Variants in IFT81 observed in about 807,000 individuals in gnomAD.
The protein encoded by IFT81 is intraflagellar transport 81, also known as intraflagellar transport protein 81 homolog.
Under a neutral mutation model 102.6 loss-of-function variants are expected in IFT81, and 72 were observed. The observed-to-expected ratio is 0.70, with a 90% CI of 0.58 to 0.85. The LOEUF (loss-of-function observed/expected upper bound fraction) is 0.85. IFT81 is among the 40% of genes least tolerant of loss of function. IFT81 has a pLI of 0.00. For synonymous variants in IFT81, 237 were observed against 242.7 expected (o/e 0.98, Z 0.22); for missense variants, 723 against 787.3 (o/e 0.92, Z 0.98).
chr12:110,149,987 G>A (rs117220631), intron 10 of IFT81, among the ~76,000 whole-genome samples: 2,562 of 152,296 alleles, frequency 0.017, 34 homozygotes, highest in South Asian at 0.054. Context: ...ACCTGGGGGT[G>A]GAGCCCTCAC....
At chr12:110,193,617 C>A (rs187973316) in intron 14 of IFT81, among the ~76,000 whole-genome samples, 1 of 152,300 alleles carries the variant, frequency 6.6e-6, no homozygotes, top group East Asian at 1.9e-4. Flanking sequence ...ATATTTTTAA[C>A]TTGTTTAACT....
chr12:110,209,118 T>C lies in IFT81; in HGVS notation c.1803-53T>C, dbSNP rs940511424. ...TATATTAATTTATAATTCACTTGTA[T>C]GATCAAATCATTTGAAGTAAATTGA... On this transcript the variant is annotated intron_variant, in intron 17 of 18. Transcript: ENST00000242591. 1.0e-5 allele frequency: 10 copies of C among 968,954 alleles called. No individual in the cohort carries two copies. The African/African-American group carries it at 1.6e-4, about 16-fold the overall frequency. The allele number at this position is 968,954 out of a possible 1,614,324, so 60.0% of individuals were successfully genotyped here. A position where few individuals can be genotyped will look rare whatever the true frequency, so the allele number is the denominator to read the frequency against.
At chr12:110,131,568 G>A (rs900325947) in intron 4 of IFT81, among the ~76,000 whole-genome samples, 4 of 151,840 alleles carry the variant, frequency 2.6e-5, no homozygotes, top group Non-Finnish European at 2.9e-5. Flanking sequence ...GGCTGGTCTC[G>A]AACTCCTGAC....
At chr12:110,201,995 A>G (rs1259703513) in intron 14 of IFT81, among the ~76,000 whole-genome samples, 1 of 152,210 alleles carries the variant, frequency 6.6e-6, no homozygotes, top group Non-Finnish European at 1.5e-5. Flanking sequence ...ACACTCTAAA[A>G]TAACAATAAA....
rs1018245458 is a variant in IFT81 at position 110,218,324 on chromosome 12, T to A, written c.*98T>A. 5.7e-6 allele frequency: 5 copies of A among 883,328 alleles called. No individual in the cohort carries two copies. The highest frequency in any genetic ancestry group is 1.7e-5 in the African/African-American group (1 of 57,248). 54.7% of individuals were successfully genotyped at this position (883,328 alleles called of 1,614,324 possible). A position where few individuals can be genotyped will look rare whatever the true frequency, so the allele number is the denominator to read the frequency against. On this transcript the variant is annotated 3_prime_UTR_variant, in exon 19 of 19. Coordinates refer to ENST00000242591, the MANE Select transcript of IFT81 (RefSeq NM_014055.4). ...TTTGAAACTGATTTGTATAGCATTT[T>A]GTTTTCAGAAGAGCCATTCTTTATT...
At chr12:110,157,789 C>A (rs957219555) in intron 10 of IFT81, among the ~76,000 whole-genome samples, 4 of 152,162 alleles carry the variant, frequency 2.6e-5, no homozygotes, top group African/African-American at 9.7e-5. Context: ...ATTCTTTTGT[C>A]TGCCTTCCCA....
chr12:110,134,933 T>C lies in IFT81; in HGVS notation c.520-15T>C. On this transcript the variant is annotated splice_polypyrimidine_tract_variant and intron_variant, in intron 5 of 18. Coordinates refer to ENST00000242591, the MANE Select transcript of IFT81 (RefSeq NM_014055.4). ...GAATACTTTTTCTTATAAGGTCTTC[T>C]TTGCCACTTTTTAGGATATCAGTGC... 6.2e-7 allele frequency: 1 copy of C among 1,601,682 alleles called. No homozygotes were observed. Among genetic ancestry groups the C allele is most frequent in the East Asian group, 2.2e-5 (1 of 44,700 alleles).
chr12:110,126,459 T>C (rs923505533), intron 1 of IFT81, among the ~76,000 whole-genome samples: 1 of 150,516 alleles, frequency 6.6e-6, no homozygotes, highest in Non-Finnish European at 1.5e-5. Flanking sequence ...GTTGGGGGGG[T>C]TTGTGCCTCT....
intron 11 of IFT81, among the ~76,000 whole-genome samples, chr12:110,165,086 G>A (rs1896361744): frequency 6.6e-6 from 1 of 150,382 alleles, no homozygotes. Context: ...TCCAATGACA[G>A]GGAAAAAAAA....
intron 4 of IFT81, among the ~76,000 whole-genome samples, chr12:110,131,472 G>T (rs999510425): frequency 1.3e-5 from 2 of 151,860 alleles, no homozygotes; most frequent in Non-Finnish European, 2.9e-5. Context: ...TCAAGCTCCT[G>T]AGTAGCTGGG....
intron 12 of IFT81, among the ~76,000 whole-genome samples, chr12:110,183,152 C>T (rs1014668809): frequency 6.6e-6 from 1 of 152,064 alleles, no homozygotes; most frequent in African/African-American, 2.4e-5. Context: ...AAGTGTGTCC[C>T]TTGGTTTGAG....
chr12:110,187,571 T>G (rs1897592712), intron 12 of IFT81, among the ~76,000 whole-genome samples: 1 of 152,080 alleles, frequency 6.6e-6, no homozygotes. Context: ...GGCCATGTAT[T>G]TTTTTCTCTT....
rs146627387 is a variant in IFT81 at position 110,136,793 on chromosome 12, A to C, written c.714A>C (p.Gln238His). Reference protein sequence around the residue: ...EQKNQLFHAVQRLQRVQNQLK... With the variant: ...EQKNQLFHAVHRLQRVQNQLK... ...TTTTAAAGCTATTTCATGCAGTGCA[A>C]AGATTGCAAAGAGTACAAAACCAGC... is the stretch of plus-strand genomic sequence containing the variant. Residue 238 changes from glutamine (Q) to histidine (H), a missense_variant, in exon 8 of 19, where the codon CAA becomes CAC. By Grantham distance (24) the Gln-to-His change is conservative. Coordinates refer to ENST00000242591, the MANE Select transcript of IFT81 (RefSeq NM_014055.4). 2.8e-4 allele frequency: 445 copies of C among 1,611,132 alleles called. 5 individuals are homozygous for C. The East Asian group carries it at 7.4e-3, about 27-fold the overall frequency.
intron 10 of IFT81, among the ~76,000 whole-genome samples, chr12:110,152,855 T>A (rs1282150821): frequency 6.6e-6 from 1 of 152,160 alleles, no homozygotes; most frequent in Non-Finnish European, 1.5e-5. Flanking sequence ...CTTCCCAAAG[T>A]ACTGGGATTA....
chr12:110,186,496 TC>T (rs151003838), intron 12 of IFT81, among the ~76,000 whole-genome samples: 8,753 of 152,138 alleles, frequency 0.058, 328 homozygotes, highest in Middle Eastern at 0.099. Flanking sequence ...TTTCTTTCTT[TC>T]TTTTTTTATT....
In IFT81 at chr12:110,203,974, A is replaced by T. The variant is rs1258129897; in HGVS notation, c.1644+24A>T. The stretch of plus-strand genomic sequence containing the variant: ...AGGTAAGAAGAGAGTTTTTATTTTA[A>T]CAATTTAGCAAAAACTACCTGTGTG... On this transcript the variant is annotated intron_variant, in intron 15 of 18. Coordinates refer to ENST00000242591, the MANE Select transcript of IFT81 (RefSeq NM_014055.4). 7 of 1,518,730 alleles carry T rather than the reference A, an allele frequency of 4.6e-6. No individual in the cohort carries two copies. The East Asian group carries it at 1.6e-4, about 35-fold the overall frequency. 94.1% of individuals were successfully genotyped at this position (1,518,730 alleles called of 1,614,324 possible).
rs1355730931 is a variant in IFT81, at chr12:110,172,598, G to A, written c.1189-7824G>A. On this transcript the variant is annotated intron_variant, in intron 11 of 18. Transcript: ENST00000242591. ...GAGACAGGGTTTCGCTGTGTTGGCC[G>A]GGCTGGTCTCCAGCTCCTAACCGCG... Among the ~76,000 whole-genome samples the A allele has an allele frequency of 3.9e-5, 6 of 152,294 alleles. No individual in the cohort carries two copies. In the East Asian group the frequency reaches 5.8e-4, roughly 15 times the overall value.
At chr12:110,127,736 A>C (rs1302065238) in intron 2 of IFT81, among the ~76,000 whole-genome samples, 2 of 152,252 alleles carry the variant, frequency 1.3e-5, no homozygotes, top group African/African-American at 4.8e-5. Flanking sequence ...ACTTCCAGAC[A>C]TAAATAGGTT....
At chr12:110,129,892 G>A (rs1176796895) in intron 4 of IFT81, among the ~76,000 whole-genome samples, 1 of 151,206 alleles carries the variant, frequency 6.6e-6, no homozygotes, top group Non-Finnish European at 1.5e-5. Context: ...TTATTCCATA[G>A]CACTTACATA....
Sources: gnomAD v4.1 joint callset for allele counts (sites outside exome capture counted in the v4.1 genomes callset) on GRCh38, gnomAD v4.1.1 for gene constraint, MANE v1.5 for transcripts, NCBI Gene and HGNC (gene_info 2026-07-23, HGNC 2026-07-21) for gene names.